DGKB: variants seen among roughly 807,000 people sequenced by gnomAD.
The protein encoded by DGKB is 90 kDa diacylglycerol kinase.
Under a neutral mutation model 114.3 loss-of-function variants are expected in DGKB, and 67 were observed. The observed-to-expected ratio is 0.59, with a 90% CI of 0.48 to 0.72. The LOEUF is 0.72. Ranked by LOEUF, DGKB falls within the 30% of genes least tolerant of loss-of-function variation. DGKB has a pLI of 0.00. For missense variants in DGKB, 907 were observed against 975.2 expected, an observed-to-expected ratio of 0.93 and a Z score of 0.93; for synonymous variants, 398 against 323.1, an observed-to-expected ratio of 1.23 and a Z score of -2.49.
chr7:14,461,620 C>A (rs374162491), intron 21 of DGKB, among the ~76,000 whole-genome samples: 36 of 151,528 alleles, frequency 2.4e-4, no homozygotes, highest in African/African-American at 8.7e-4. Flanking sequence ...TAATAGCCTA[C>A]AAACCAAAAA....
At chr7:14,849,025 C>T (rs1234903114) in intron 1 of DGKB, among the ~76,000 whole-genome samples, 3 of 152,034 alleles carry the variant, frequency 2.0e-5, no homozygotes, top group Non-Finnish European at 4.4e-5. Context: ...GCATCCCTAT[C>T]TCCATATTGG....
At chr7:14,616,635 T>G (rs1329943337) in intron 15 of DGKB, among the ~76,000 whole-genome samples, 1 of 151,726 alleles carries the variant, frequency 6.6e-6, no homozygotes, top group Non-Finnish European at 1.5e-5. Flanking sequence ...ATACAGCATT[T>G]GAGATCATCT....
intron 17 of DGKB, among the ~76,000 whole-genome samples, chr7:14,604,960 G>T (rs1039313230): frequency 6.6e-6 from 1 of 152,096 alleles, no homozygotes; most frequent in African/African-American, 2.4e-5. Context: ...TCAAGATGAA[G>T]CTAAAAGTTC....
At chr7:14,457,348 G>A (rs964876596) in intron 21 of DGKB, among the ~76,000 whole-genome samples, 5 of 151,880 alleles carry the variant, frequency 3.3e-5, no homozygotes, top group Admixed American at 2.6e-4. Flanking sequence ...TATCTAACTG[G>A]GTAAAGTTAT....
intron 21 of DGKB, among the ~76,000 whole-genome samples, chr7:14,400,512 T>C (rs1457922558): frequency 6.6e-6 from 1 of 151,814 alleles, no homozygotes; most frequent in African/African-American, 2.4e-5. Context: ...GCAAGACTAA[T>C]TGCTGGAAAG....
intron 2 of DGKB, among the ~76,000 whole-genome samples, chr7:14,778,179 A>T (rs1178925837): frequency 1.3e-5 from 2 of 152,352 alleles, no homozygotes; most frequent in South Asian, 2.1e-4. Flanking sequence ...AGAGAACAGG[A>T]TTCAGAGTTA....
chr7:14,290,615 A>G (rs1462404424), intron 23 of DGKB, among the ~76,000 whole-genome samples: 1 of 152,190 alleles, frequency 6.6e-6, no homozygotes, highest in Middle Eastern at 3.4e-3. Context: ...TGACATACCA[A>G]CCACATGTTA....
chr7:14,524,053 T>C (rs943093255), intron 20 of DGKB, among the ~76,000 whole-genome samples: 1 of 152,166 alleles, frequency 6.6e-6, no homozygotes, highest in Non-Finnish European at 1.5e-5. Context: ...CTGATAATTT[T>C]GGATCTTCTC....
rs995963365 is a variant in DGKB, at chr7:14,574,452, T to C, written c.1610-80A>G. 3 of 1,154,982 alleles carry C rather than the reference T, an allele frequency of 2.6e-6. No homozygotes were observed. The African/African-American group carries it at 4.7e-5, about 18-fold the overall frequency. 71.5% of individuals were successfully genotyped at this position (1,154,982 alleles called of 1,614,324 possible). ...GTATTTTTATGTTTCAGTGTGCTTA[T>C]GCATATGTAATATTCTAAAGGTAAA... On this transcript the variant is annotated intron_variant, in intron 19 of 25. Coordinates refer to ENST00000402815, the MANE Select transcript of DGKB (RefSeq NM_001350709.2).
intron 2 of DGKB, among the ~76,000 whole-genome samples, chr7:14,814,486 G>A (rs1843841215): frequency 6.6e-6 from 1 of 152,106 alleles, no homozygotes; most frequent in Non-Finnish European, 1.5e-5. Flanking sequence ...TTCTGTTATT[G>A]TGGCTGAAAA....
chr7:14,665,154 A>G (rs1276754140), intron 13 of DGKB, among the ~76,000 whole-genome samples: 1 of 151,974 alleles, frequency 6.6e-6, no homozygotes, highest in Non-Finnish European at 1.5e-5. Flanking sequence ...ATTGATATGA[A>G]AAAAAGGCTA....
At chr7:14,463,326 G>A (rs1437276025) in intron 21 of DGKB, among the ~76,000 whole-genome samples, 1 of 151,998 alleles carries the variant, frequency 6.6e-6, no homozygotes, top group Non-Finnish European at 1.5e-5. Context: ...AAACTACCGT[G>A]GCACATGTAT....
intron 20 of DGKB, among the ~76,000 whole-genome samples, chr7:14,489,550 A>AT (rs1784316888): frequency 1.3e-5 from 2 of 152,204 alleles, no homozygotes; most frequent in African/African-American, 2.4e-5. Context: ...ATTTGATATA[A>AT]TTTCCGAAAA....
At chr7:14,737,907 A>G (rs1440909128) in intron 4 of DGKB, among the ~76,000 whole-genome samples, 2 of 152,096 alleles carry the variant, frequency 1.3e-5, no homozygotes, top group Non-Finnish European at 2.9e-5. Flanking sequence ...AAAAAAAAAA[A>G]AAGAATATTG....
intron 20 of DGKB, among the ~76,000 whole-genome samples, chr7:14,486,419 G>A (rs914644750): frequency 2.6e-5 from 4 of 152,156 alleles, no homozygotes; most frequent in African/African-American, 7.2e-5. Flanking sequence ...ATGTCCAAAG[G>A]GACAATGTGA....
At chr7:14,536,941 G>A (rs1480063517) in intron 20 of DGKB, among the ~76,000 whole-genome samples, 1 of 151,952 alleles carries the variant, frequency 6.6e-6, no homozygotes, top group Non-Finnish European at 1.5e-5. Context: ...CCTCAAAACT[G>A]AGGGAATTAA....
Position 14,779,913 on chromosome 7 carries a change from T to C in DGKB, c.71-22182A>G, listed in dbSNP as rs1452149806. Among the ~76,000 whole-genome samples, 3 of 152,350 alleles carry C rather than the reference T, an allele frequency of 2.0e-5. No individual in the cohort carries two copies. In the East Asian group the frequency reaches 5.8e-4, roughly 29 times the overall value. On this transcript the variant is annotated intron_variant, in intron 2 of 25. Transcript: ENST00000402815. ...CAAAAAATGGTTTGACCTAGCTTTTTCTTTCTCTCACCACTCTTTTTCCAC... is the reference window on the plus strand; with the variant it reads ...CAAAAAATGGTTTGACCTAGCTTTTCCTTTCTCTCACCACTCTTTTTCCAC...
chr7:14,274,942 A>AGTGTGT lies in DGKB; in HGVS notation c.2122+63567_2122+63572dup, dbSNP rs10538591. Among the ~76,000 whole-genome samples, 949 of 146,380 alleles carry AGTGTGT rather than the reference A, an allele frequency of 6.5e-3. 8 individuals are homozygous for AGTGTGT. Among genetic ancestry groups the AGTGTGT allele is most frequent in the African/African-American group, 0.023 (907 of 40,148 alleles). The stretch of plus-strand genomic sequence containing the variant: ...TGGGGGGTGCACTTCAGTCCATAGC[A>AGTGTGT]GTGTGTGTGTGTGTGTGTGTGTGTG... On this transcript the variant is annotated intron_variant, in intron 23 of 25. Transcript: ENST00000402815.
chr7:14,505,448 C>T (rs76290434), intron 20 of DGKB, among the ~76,000 whole-genome samples: 1,495 of 149,216 alleles, frequency 0.01, 24 homozygotes, highest in East Asian at 0.07. Flanking sequence ...AGTGAGACTC[C>T]GTCTCGAAAA....
Sources: allele counts gnomAD v4.1 joint callset (sites outside exome capture counted in the v4.1 genomes callset), GRCh38; gene constraint gnomAD v4.1.1; transcripts MANE v1.5; gene names NCBI Gene and HGNC (gene_info 2026-07-23, HGNC 2026-07-21).